ARCN1: variants seen among roughly 807,000 people sequenced by gnomAD.
ARCN1 encodes coatomer subunit delta.
Under a neutral mutation model 60.4 loss-of-function variants are expected in ARCN1, and 5 were observed. That is an observed-to-expected ratio of 0.08 (90% confidence interval 0.04 to 0.17). The LOEUF (loss-of-function observed/expected upper bound fraction) is 0.17. Ranked by LOEUF, ARCN1 falls within the 10% of genes least tolerant of loss-of-function variation. The probability of loss-of-function intolerance (pLI) is 1.00; values close to 1 mark genes in which losing one functional copy is unlikely to be tolerated. For missense variants in ARCN1, 464 were observed against 626.5 expected (o/e 0.74, Z 2.77); for synonymous variants, 224 against 220.0 (o/e 1.02, Z -0.16).
intron 9 of ARCN1, among the ~76,000 whole-genome samples, chr11:118,598,333 A>C (rs1440367158): frequency 4.7e-5 from 7 of 149,188 alleles, no homozygotes; most frequent in South Asian, 2.1e-4. Flanking sequence ...AAATTACTAC[A>C]AAAAAAAAAT....
chr11:118,577,333 G>A (rs1477205002), intron 1 of ARCN1, among the ~76,000 whole-genome samples: 4 of 151,282 alleles, frequency 2.6e-5, no homozygotes, highest in Admixed American at 6.6e-5. Context: ...TGCAACTTCC[G>A]CCTCCCAGGT....
At chr11:118,578,369 G>A (rs1555074057) in intron 1 of ARCN1, among the ~76,000 whole-genome samples, 1 of 151,994 alleles carries the variant, frequency 6.6e-6, no homozygotes, top group East Asian at 1.9e-4. Flanking sequence ...GTTTCTAACA[G>A]GTTTATTATT....
intron 1 of ARCN1, among the ~76,000 whole-genome samples, chr11:118,579,110 A>G: frequency 6.6e-6 from 1 of 151,970 alleles, no homozygotes; most frequent in East Asian, 1.9e-4. Context: ...TTTTATAGGA[A>G]AAGAAACGAG....
chr11:118,587,239 A>G (rs781984536), intron 5 of ARCN1, among the ~76,000 whole-genome samples: 5 of 152,224 alleles, frequency 3.3e-5, no homozygotes, highest in Non-Finnish European at 5.9e-5. Flanking sequence ...AAAAGTTGTT[A>G]ACAGTCAGAA....
At chr11:118,574,637 A>G (rs1243581255) in intron 1 of ARCN1, among the ~76,000 whole-genome samples, 2 of 152,208 alleles carry the variant, frequency 1.3e-5, no homozygotes, top group Non-Finnish European at 2.9e-5. Flanking sequence ...GGCTTTAGTT[A>G]TTGAAGTGCA....
At position 118,600,867 on chromosome 11, in the gene ARCN1, A is replaced by C; in HGVS notation, c.*153A>C. ...CTCTGCGCGCAAGGACCCTCGACTC[A>C]CCCCCATGTTTCAGTGTCACAGAGA... is the stretch of plus-strand genomic sequence containing the variant. On this transcript the variant is annotated 3_prime_UTR_variant, in exon 10 of 10. Coordinates refer to ENST00000264028, the MANE Select transcript of ARCN1 (RefSeq NM_001655.5). 2.0e-6 allele frequency: 1 copy of C among 506,054 alleles called. No homozygotes were observed. Among genetic ancestry groups the C allele is most frequent in the South Asian group, 2.3e-5 (1 of 43,140 alleles). The allele number at this position is 506,054 out of a possible 1,614,324, so 31.3% of individuals were successfully genotyped here.
chr11:118,575,826 T>C (rs1174194276), intron 1 of ARCN1, among the ~76,000 whole-genome samples: 1 of 152,194 alleles, frequency 6.6e-6, no homozygotes, highest in African/African-American at 2.4e-5. Flanking sequence ...CTGTTATTCT[T>C]GTATCTCTCT....
Position 118,581,475 on chromosome 11 carries a change from A to G in ARCN1, c.233A>G (p.Glu78Gly), listed in dbSNP as rs1938647884. The G allele has an allele frequency of 1.2e-6, 2 of 1,614,060 alleles. No individual in the cohort carries two copies. The highest frequency in any genetic ancestry group is 1.7e-6 in the Non-Finnish European group (2 of 1,180,036). ...ACTACCAAAAACAGCAACATTTTAG[A>G]AGATTTGGAGACCCTAAGGCTCTTC... Reference protein sequence around the residue: ...LITTKNSNILEDLETLRLFSR... With the variant: ...LITTKNSNILGDLETLRLFSR... The change falls in exon 2 of 10, where the codon GAA (glutamate) becomes GGA (glycine). Residue 78 changes from glutamate (E) to glycine (G), a missense_variant. Around this residue, in one of 2 missense-constraint regions of ARCN1, gnomAD observed 105 missense variants for 186.3 expected, o/e 0.56. Transcript: ENST00000264028.
intron 8 of ARCN1, among the ~76,000 whole-genome samples, chr11:118,596,062 G>A (rs1476653387): frequency 9.4e-5 from 14 of 148,546 alleles, no homozygotes; most frequent in Admixed American, 2.0e-4. Flanking sequence ...GCGAGATTCC[G>A]TCTCAAAAAA....
intron 4 of ARCN1, 44 bp from the exon 5 acceptor site, chr11:118,584,436 A>T (rs782077891): frequency 3.2e-6 from 5 of 1,560,486 alleles, no homozygotes; most frequent in Admixed American, 2.0e-5. Flanking sequence ...GTGTGCTTGT[A>T]AAAATAAACC....
chr11:118,582,167 C>T (rs1002016720), intron 2 of ARCN1, among the ~76,000 whole-genome samples: 17 of 152,162 alleles, frequency 1.1e-4, no homozygotes, highest in South Asian at 8.3e-4. Context: ...GACGGAGTCT[C>T]GCTCTTGCCC....
chr11:118,579,384 C>G (rs1938597834), intron 1 of ARCN1, among the ~76,000 whole-genome samples: 1 of 151,780 alleles, frequency 6.6e-6, no homozygotes, highest in African/African-American at 2.4e-5. Flanking sequence ...TAAAATGCAG[C>G]CAAAATAGGC....
Position 118,597,928 on chromosome 11 carries a change from G to T in ARCN1, c.1446+17G>T. On this transcript the variant is annotated intron_variant, in intron 9 of 9. Transcript: ENST00000264028. ...AACATACAGGTACTCCATTTTAGTT[G>T]AGAACATATATAGGGAAAGTGGTAG... is the stretch of plus-strand genomic sequence containing the variant. 3 of 1,613,210 alleles carry T rather than the reference G, an allele frequency of 1.9e-6. No individual in the cohort carries two copies. Among genetic ancestry groups the T allele is most frequent in the South Asian group, 1.1e-5 (1 of 91,008 alleles).
chr11:118,595,082 T>A (rs1555076941), intron 8 of ARCN1, among the ~76,000 whole-genome samples: 1 of 151,604 alleles, frequency 6.6e-6, no homozygotes, highest in African/African-American at 2.4e-5. Flanking sequence ...ACTCCTGTCC[T>A]CAAAATGATC....
At chr11:118,580,240 G>A (rs923881584) in intron 1 of ARCN1, among the ~76,000 whole-genome samples, 1 of 152,142 alleles carries the variant, frequency 6.6e-6, no homozygotes, top group African/African-American at 2.4e-5. Context: ...CAGGAGGATT[G>A]TTCAAGCCCA....
intron 8 of ARCN1, 53 bp downstream of exon 8, chr11:118,593,751 G>A: frequency 7.6e-7 from 1 of 1,307,712 alleles, no homozygotes; most frequent in Non-Finnish European, 1.1e-6. Flanking sequence ...TGGTCTTTTG[G>A]AACTCATTTT....
At chr11:118,584,735 C>A in intron 5 of ARCN1, 91 bp downstream of exon 5, 1 of 1,163,796 alleles carries the variant, frequency 8.6e-7, no homozygotes, top group Non-Finnish European at 1.2e-6. Context: ...TAAATTCTTT[C>A]TCTGTCTTTT....
rs563500565 is a variant in ARCN1 at position 118,588,334 on chromosome 11, C to G, written c.819-2007C>G. On this transcript the variant is annotated intron_variant, in intron 5 of 9. Transcript: ENST00000264028. The stretch of plus-strand genomic sequence containing the variant: ...CTGCCTTGGGCTGGTGAAAGGAGGG[C>G]AGGAGAAGGTCAAAGAGAGGTTCTT... Among the ~76,000 whole-genome samples, 3 of 152,200 alleles carry G rather than the reference C, an allele frequency of 2.0e-5. No homozygotes were observed. In the East Asian group the frequency reaches 5.8e-4, roughly 29 times the overall value.
chr11:118,588,192 T>C (rs1403328286), intron 5 of ARCN1, among the ~76,000 whole-genome samples: 1 of 152,196 alleles, frequency 6.6e-6, no homozygotes, highest in Non-Finnish European at 1.5e-5. Context: ...GGCAAGGGTA[T>C]GACCTAATAC....
Sources: gnomAD v4.1 joint callset for allele counts (sites outside exome capture counted in the v4.1 genomes callset) on GRCh38, gnomAD v4.1.1 for gene constraint, gnomAD v4.1.1 regional missense constraint, MANE v1.5 for transcripts, NCBI Gene and HGNC (gene_info 2026-07-23, HGNC 2026-07-21) for gene names.